TOP2A: variants seen among roughly 807,000 people sequenced by gnomAD.
The protein encoded by TOP2A is DNA topoisomerase II alpha, also known as DNA topoisomerase 2-alpha.
A neutral mutation model predicts 187.2 loss-of-function variants in TOP2A; 68 were observed. The ratio of observed to expected loss-of-function variants is 0.36; its 90% confidence interval spans 0.30 to 0.44. TOP2A has a LOEUF of 0.44. Among genes scored for constraint, TOP2A ranks in the 20% least tolerant of loss-of-function variants. TOP2A has a pLI of 1.00. For missense variants in TOP2A, 1,196 were observed against 1,808.7 expected (o/e 0.66, Z 6.14); for synonymous variants, 542 against 593.2 (o/e 0.91, Z 1.25).
Position 40,412,655 on chromosome 17 carries a change from C to T in TOP2A, c.789+104G>A, listed in dbSNP as rs185893039. 16 of 979,900 alleles carry T rather than the reference C, an allele frequency of 1.6e-5. No homozygotes were observed. The East Asian group carries it at 3.6e-4, about 22-fold the overall frequency. 60.7% of individuals were successfully genotyped at this position (979,900 alleles called of 1,614,324 possible). A position where few individuals can be genotyped will look rare whatever the true frequency, so the allele number is the denominator to read the frequency against. On this transcript the variant is annotated intron_variant, in intron 7 of 34. Coordinates refer to ENST00000423485, the MANE Select transcript of TOP2A (RefSeq NM_001067.4). ...TGAGACTCTGTCTCAAACAAACAAACAAACAAACAAACAAAAACATATGGG... is the reference window on the plus strand; with the variant it reads ...TGAGACTCTGTCTCAAACAAACAAATAAACAAACAAACAAAAACATATGGG...
chr17:40,404,855 C>A lies in TOP2A; in HGVS notation c.1982G>T (p.Arg661Leu). 3 of 1,596,568 alleles carry A rather than the reference C, an allele frequency of 1.9e-6. No homozygotes were observed. The highest frequency in any genetic ancestry group is 2.6e-6 in the Non-Finnish European group (3 of 1,170,342). ...CATGAAATTAGTTAACCATTCCTTT[C>A]GATCATCTATCTGTTTTTTGCTAAA... ...LAFSKKQIDD[R>L]KEWLTNFMED... The change falls in exon 17 of 35, where the codon CGA becomes CTA. Residue 661 changes from arginine to leucine, a missense_variant. By Grantham distance (102) the Arg-to-Leu change is moderately radical (BLOSUM62 -2). Coordinates refer to ENST00000423485, the MANE Select transcript of TOP2A (RefSeq NM_001067.4).
In TOP2A at chr17:40,391,638, G is replaced by C. The variant is rs550019525; in HGVS notation, c.4135C>G (p.Leu1379Val). ...CTGCCCTTAACATCATCAGCTTCAA[G>C]GTCTATTATTTCAAATGGAAAGGAA... ...LKPQKSVVSD[L>V]EADDVKGSVP... Residue 1379 changes from leucine to valine, a missense_variant and splice_region_variant, in exon 33 of 35, where the codon CTT (leucine) becomes GTT (valine). By Grantham distance (32) the Leu-to-Val change is conservative. Coordinates refer to ENST00000423485, the MANE Select transcript of TOP2A (RefSeq NM_001067.4). 6.3e-7 allele frequency: 1 copy of C among 1,580,698 alleles called. No individual in the cohort carries two copies. The highest frequency in any genetic ancestry group is 1.4e-5 in the African/African-American group (1 of 73,312).
chr17:40,400,187 A>T (rs1421293770), intron 23 of TOP2A, 22 bp downstream of exon 23: 1 of 1,610,670 alleles, frequency 6.2e-7, no homozygotes, highest in East Asian at 2.2e-5. Context: ...AAACGTGTAC[A>T]TCTCACAAAA....
At chr17:40,395,362 G>C (rs967811451) in intron 29 of TOP2A, 87 bp downstream of exon 29, 4 of 674,956 alleles carry the variant, frequency 5.9e-6, no homozygotes, top group African/African-American at 3.8e-5. Context: ...TCAACAAAAA[G>C]GTTTTGAACA....
At position 40,390,015 on chromosome 17, in the gene TOP2A, C is replaced by T; in HGVS notation, c.4417G>A (p.Asp1473Asn). The T allele has an allele frequency of 5.6e-6, 9 of 1,613,862 alleles. No homozygotes were observed. The East Asian group carries it at 2.0e-4, about 36-fold the overall frequency. The change falls in exon 34 of 35, where the codon GAT (aspartate) becomes AAT (asparagine). Residue 1473 changes from aspartate to asparagine, a missense_variant. By Grantham distance (23) the Asp-to-Asn change is conservative. Transcript: ENST00000423485. Reference protein sequence around the residue: ...RRKRKPSTSDDSDSNFEKIVS... With the variant: ...RRKRKPSTSDNSDSNFEKIVS... ...ATTTTCTCAAAATTAGAGTCAGAAT[C>T]ATCAGAAGTGGATGGCTTCCTTTTG...
At position 40,416,912 on chromosome 17, in the gene TOP2A, A is replaced by AAGAG. The variant is rs752800546; in HGVS notation, c.22-21_22-18dup. ...ATTTACAGGCTAGCAATTAAAAAAA[A>AAGAG]AGAGAGAAAGAAGGGAATTTTTAAT... On this transcript the variant is annotated splice_polypyrimidine_tract_variant and intron_variant, in intron 1 of 34. Coordinates refer to ENST00000423485, the MANE Select transcript of TOP2A (RefSeq NM_001067.4). The AAGAG allele has an allele frequency of 6.4e-7, 1 of 1,569,614 alleles. No homozygotes were observed. The highest frequency in any genetic ancestry group is 8.6e-7 in the Non-Finnish European group (1 of 1,162,226).
intron 6 of TOP2A, 108 bp from the exon 7 acceptor site, chr17:40,413,079 T>C (rs1005795284): frequency 7.8e-7 from 1 of 1,277,110 alleles, no homozygotes; most frequent in Non-Finnish European, 1.1e-6. Context: ...ATGCTTATAA[T>C]TTTCCATACT....
In TOP2A at chr17:40,412,975, T is replaced by C. The variant is rs1189121643; in HGVS notation, c.577-4A>G. 3 of 1,606,214 alleles carry C rather than the reference T, an allele frequency of 1.9e-6. No individual in the cohort carries two copies. Among genetic ancestry groups the C allele is most frequent in the Non-Finnish European group, 1.7e-6 (2 of 1,175,960 alleles). ...TTCCCATATTATCCATCCATGTCTA[T>C]GGAAGTAAAGAATAGGAAACATGAA... On this transcript the variant is annotated splice_region_variant and splice_polypyrimidine_tract_variant and intron_variant, in intron 6 of 34. Coordinates refer to ENST00000423485, the MANE Select transcript of TOP2A (RefSeq NM_001067.4).
intron 10 of TOP2A, chr17:40,409,216 A>C (rs2035286367): frequency 1.4e-5 from 4 of 296,022 alleles, no homozygotes; most frequent in Non-Finnish European, 2.0e-5. Context: ...AAAAAAAAAA[A>C]AAAAGGGTAG....
At chr17:40,410,500 G>C (rs1267723372) in intron 10 of TOP2A, among the ~76,000 whole-genome samples, 1 of 152,188 alleles carries the variant, frequency 6.6e-6, no homozygotes, top group Non-Finnish European at 1.5e-5. Flanking sequence ...AGATAAAAAT[G>C]GGTGTTTTAA....
At chr17:40,405,078 G>A (rs539235356) in intron 16 of TOP2A, among the ~76,000 whole-genome samples, 195 bp from the exon 17 acceptor site, 7 of 150,120 alleles carry the variant, frequency 4.7e-5, no homozygotes, top group Admixed American at 2.0e-4. Context: ...CAACCTCTGC[G>A]TCCTAGGTTC....
chr17:40,402,337 G>C (rs967917068), intron 20 of TOP2A, among the ~76,000 whole-genome samples: 2 of 152,220 alleles, frequency 1.3e-5, no homozygotes, highest in Non-Finnish European at 2.9e-5. Flanking sequence ...AGATTTAAAG[G>C]TATAGAACGG....
Position 40,399,215 on chromosome 17 carries a change from A to G in TOP2A, c.3197-84T>C. The G allele has an allele frequency of 1.7e-5, 16 of 969,312 alleles. 2 individuals are homozygous for G. In the South Asian group the frequency reaches 2.2e-4, roughly 14 times the overall value. The allele number at this position is 969,312 out of a possible 1,614,324, so 60.0% of individuals were successfully genotyped here. A position where few individuals can be genotyped will look rare whatever the true frequency, so the allele number is the denominator to read the frequency against. On this transcript the variant is annotated intron_variant, in intron 24 of 34. Transcript: ENST00000423485. ...AAGGTTTTACACAAGTCAAAAGTTTAAAACTGGAAATTAAACTGTCTTCGT... is the reference window on the plus strand; with the variant it reads ...AAGGTTTTACACAAGTCAAAAGTTTGAAACTGGAAATTAAACTGTCTTCGT...
At chr17:40,395,341 C>A in intron 29 of TOP2A, 108 bp downstream of exon 29, 2 of 465,656 alleles carry the variant, frequency 4.3e-6, no homozygotes. Context: ...TCCTCTTTCA[C>A]GTTTCTCAAT....
chr17:40,404,904 A>C (rs1382232405), intron 16 of TOP2A, 21 bp from the exon 17 acceptor site: 4 of 1,443,184 alleles, frequency 2.8e-6, no homozygotes, highest in Middle Eastern at 1.7e-4. Flanking sequence ...AAGGATGAAA[A>C]GATGTCACTG....
Position 40,403,063 on chromosome 17 carries a change from A to G in TOP2A, c.2284-9T>C, listed in dbSNP as rs946210840. ...GTCATCATTAGTGACATCTGTGGGGAAAAAAAGATTCATTAAGCTGAGGCT... is the reference window on the plus strand; with the variant it reads ...GTCATCATTAGTGACATCTGTGGGGGAAAAAAGATTCATTAAGCTGAGGCT... On this transcript the variant is annotated splice_polypyrimidine_tract_variant and intron_variant, in intron 19 of 34. Transcript: ENST00000423485. 1.7e-5 allele frequency: 26 copies of G among 1,505,236 alleles called. No homozygotes were observed. Among genetic ancestry groups the G allele is most frequent in the East Asian group, 6.8e-5 (3 of 44,214 alleles). 93.2% of individuals were successfully genotyped at this position (1,505,236 alleles called of 1,614,324 possible). A position where few individuals can be genotyped will look rare whatever the true frequency, so the allele number is the denominator to read the frequency against.
At position 40,411,687 on chromosome 17, in the gene TOP2A, G is replaced by A; in HGVS notation, c.921C>T (p.Gly307=). 1 of 1,611,690 alleles carries A rather than the reference G, an allele frequency of 6.2e-7. No individual in the cohort carries two copies. The highest frequency in any genetic ancestry group is 8.5e-7 in the Non-Finnish European group (1 of 1,179,262). The change falls in exon 8 of 35, where the codon GGC becomes GGT. Residue 307 remains glycine, a synonymous_variant. Coordinates refer to ENST00000423485, the MANE Select transcript of TOP2A (RefSeq NM_001067.4). The surrounding 1 kb of genome is among the most constrained non-coding windows in gnomAD (Gnocchi z 4.4). ...WEVCLTMSEK[G]FQQISFVNSI... is the part of the protein sequence containing the mutation. ...TGTTGACAAAGCTAATTTGCTGAAAGCCTTTTTCACTCATAGTTAAACACA... is the reference window on the plus strand; with the variant it reads ...TGTTGACAAAGCTAATTTGCTGAAAACCTTTTTCACTCATAGTTAAACACA...
intron 29 of TOP2A, 79 bp from the exon 30 acceptor site, chr17:40,392,816 T>A: frequency 8.8e-7 from 1 of 1,130,330 alleles, no homozygotes; most frequent in Non-Finnish European, 1.3e-6. Context: ...ATCCTTCAAA[T>A]TTATTAACTC....
chr17:40,411,258 G>A lies in TOP2A; in HGVS notation c.1066-12C>T. ...ATGTGATTTTTCACCTGCAATAGAA[G>A]TTGATATTAAGCCACTAAAAATGTA... On this transcript the variant is annotated splice_polypyrimidine_tract_variant and intron_variant, in intron 9 of 34. Coordinates refer to ENST00000423485, the MANE Select transcript of TOP2A (RefSeq NM_001067.4). The surrounding 1 kb of genome is among the most constrained non-coding windows in gnomAD (Gnocchi z 4.4). 1 of 1,612,432 alleles carries A rather than the reference G, an allele frequency of 6.2e-7. No homozygotes were observed. Among genetic ancestry groups the A allele is most frequent in the East Asian group, 2.2e-5 (1 of 44,824 alleles).
Sources: gnomAD v4.1 joint callset for allele counts (sites outside exome capture counted in the v4.1 genomes callset) on GRCh38, gnomAD v4.1.1 for gene constraint, Gnocchi (gnomAD v3.1) non-coding constraint, MANE v1.5 for transcripts, NCBI Gene and HGNC (gene_info 2026-07-23, HGNC 2026-07-21) for gene names.